Variants in CPNE4 observed in about 807,000 individuals in gnomAD.
The protein encoded by CPNE4 is copine 4.
A neutral mutation model predicts 67.9 loss-of-function variants in CPNE4; 25 were observed. The ratio of observed to expected loss-of-function variants is 0.37; its 90% CI spans 0.27 to 0.51. The LOEUF (loss-of-function observed/expected upper bound fraction) is 0.51, where lower values mean the gene tolerates loss of function less well. CPNE4 is among the 20% of genes least tolerant of loss of function. The pLI, the probability that CPNE4 is intolerant of heterozygous loss-of-function variation, is 0.93. For synonymous variants in CPNE4, 242 were observed against 244.9 expected, an observed-to-expected ratio of 0.99 and a Z score of 0.11; for missense variants, 464 against 690.8, an observed-to-expected ratio of 0.67 and a Z score of 3.68.
chr3:131,962,395 C>T (rs189501868), intron 1 of CPNE4, among the ~76,000 whole-genome samples: 1 of 152,282 alleles, frequency 6.6e-6, no homozygotes, highest in Non-Finnish European at 1.5e-5. Flanking sequence ...ATTTGAACTT[C>T]TCTCAAGGCC....
chr3:132,016,764 G>A (rs1425587174), intron 1 of CPNE4, among the ~76,000 whole-genome samples: 3 of 152,106 alleles, frequency 2.0e-5, no homozygotes, highest in Admixed American at 6.6e-5. Flanking sequence ...AAATTGGTCC[G>A]TTCTCAGGAC....
chr3:131,587,907 A>T (rs1471103230), intron 7 of CPNE4, among the ~76,000 whole-genome samples: 1 of 152,232 alleles, frequency 6.6e-6, no homozygotes, highest in African/African-American at 2.4e-5. Context: ...ACTTGAAGGC[A>T]GGTGCCCTGC....
chr3:131,743,962 C>CAAAAAAAAAAAAAAAA (rs67791015), intron 2 of CPNE4, among the ~76,000 whole-genome samples: 2 of 59,206 alleles, frequency 3.4e-5, no homozygotes, highest in African/African-American at 7.4e-5. Context: ...GACTCCGTCT[C>CAAAAAAAAAAAAAAAA]AAAAAAAAAA....
chr3:131,903,515 A>G (rs897338088), intron 2 of CPNE4, among the ~76,000 whole-genome samples: 19 of 152,144 alleles, frequency 1.2e-4, no homozygotes, highest in African/African-American at 4.6e-4. Flanking sequence ...AAATATTGCC[A>G]CACAAACCAC....
At chr3:131,856,604 T>C (rs2086454176) in intron 2 of CPNE4, among the ~76,000 whole-genome samples, 2 of 151,964 alleles carry the variant, frequency 1.3e-5, no homozygotes, top group African/African-American at 2.4e-5. Context: ...AGAACACACA[T>C]GTGGATGGGA....
At chr3:131,813,489 AAT>A (rs2084615647) in intron 2 of CPNE4, among the ~76,000 whole-genome samples, 1 of 149,126 alleles carries the variant, frequency 6.7e-6, no homozygotes, top group Admixed American at 6.7e-5. Context: ...ATTTATTTAA[AAT>A]ATATATTTAA....
chr3:131,673,416 G>A (rs1203202316), intron 6 of CPNE4, among the ~76,000 whole-genome samples: 1 of 151,988 alleles, frequency 6.6e-6, no homozygotes, highest in Non-Finnish European at 1.5e-5. Flanking sequence ...TCTGTAGATT[G>A]CTTTGGGTAG....
intron 2 of CPNE4, among the ~76,000 whole-genome samples, chr3:131,899,617 A>G (rs1298196353): frequency 2.0e-5 from 3 of 152,124 alleles, no homozygotes; most frequent in African/African-American, 7.2e-5. Context: ...AGCCTTAGCT[A>G]TCTTTTCTAG....
In CPNE4 at chr3:131,863,776, T is replaced by C. The variant is rs574471547; in HGVS notation, c.180+41488A>G. Among the ~76,000 whole-genome samples the C allele has an allele frequency of 1.3e-3, 204 of 152,382 alleles. 1 individual carries two copies. The highest frequency in any genetic ancestry group is 4.8e-3 in the African/African-American group (198 of 41,596). ...TTTGGTGTTTTAGACATGAAGTCCT[T>C]GCCCATGCCTATGTCCTGAATGGTA... On this transcript the variant is annotated intron_variant, in intron 2 of 15. Coordinates refer to ENST00000429747, the MANE Select transcript of CPNE4 (RefSeq NM_130808.3).
intron 7 of CPNE4, among the ~76,000 whole-genome samples, chr3:131,597,815 C>T (rs1402105235): frequency 6.6e-6 from 1 of 152,198 alleles, no homozygotes; most frequent in African/African-American, 2.4e-5. Flanking sequence ...ATGGTAATCA[C>T]TGGCTTGTGA....
Position 131,534,969 on chromosome 3 carries a change from A to G in CPNE4, c.*226T>C, listed in dbSNP as rs979854177. On this transcript the variant is annotated 3_prime_UTR_variant, in exon 16 of 16. Coordinates refer to ENST00000429747, the MANE Select transcript of CPNE4 (RefSeq NM_130808.3). ...GTAATGTAAATAGTAAGTTATTGTT[A>G]TCTGTGTTTCTTTGTAAAAAGTTAA... 2.8e-6 allele frequency: 1 copy of G among 360,956 alleles called. No individual in the cohort carries two copies. Among genetic ancestry groups the G allele is most frequent in the African/African-American group, 2.1e-5 (1 of 47,806 alleles). 22.4% of individuals were successfully genotyped at this position (360,956 alleles called of 1,614,324 possible).
intron 1 of CPNE4, among the ~76,000 whole-genome samples, chr3:131,914,334 C>G (rs1350577934): frequency 1.3e-5 from 2 of 152,138 alleles, no homozygotes; most frequent in South Asian, 4.2e-4. Flanking sequence ...GGATTTACAC[C>G]ACAGAACATC....
At chr3:131,614,866 T>C (rs1278847809) in intron 7 of CPNE4, among the ~76,000 whole-genome samples, 1 of 152,240 alleles carries the variant, frequency 6.6e-6, no homozygotes, top group Non-Finnish European at 1.5e-5. Context: ...TTGTTCAAGA[T>C]GTCTTAATAT....
chr3:131,613,694 T>C (rs1217598850), intron 7 of CPNE4, among the ~76,000 whole-genome samples: 1 of 152,182 alleles, frequency 6.6e-6, no homozygotes, highest in Non-Finnish European at 1.5e-5. Flanking sequence ...TCTTGGAGAA[T>C]ACAGCTTGGC....
At chr3:131,953,543 C>T (rs1256106187) in intron 1 of CPNE4, among the ~76,000 whole-genome samples, 1 of 152,026 alleles carries the variant, frequency 6.6e-6, no homozygotes, top group Non-Finnish European at 1.5e-5. Context: ...TATGTTAAAC[C>T]ATCCTTGCAT....
intron 5 of CPNE4, among the ~76,000 whole-genome samples, chr3:131,686,338 T>C (rs1023787349): frequency 2.6e-5 from 4 of 152,268 alleles, no homozygotes; most frequent in Non-Finnish European, 4.4e-5. Context: ...AGGTTCATTA[T>C]AGTTATTTTA....
intron 2 of CPNE4, among the ~76,000 whole-genome samples, chr3:131,786,517 C>G (rs1026892806): frequency 6.6e-6 from 1 of 152,062 alleles, no homozygotes; most frequent in South Asian, 2.1e-4. Context: ...ATGTAATCAT[C>G]CAAATAACTC....
intron 2 of CPNE4, among the ~76,000 whole-genome samples, chr3:131,862,214 T>C (rs1483693048): frequency 6.6e-6 from 1 of 152,202 alleles, no homozygotes; most frequent in East Asian, 1.9e-4. Context: ...GTCTTTGATA[T>C]CTCAAATCTC....
At chr3:131,970,837 T>C (rs1037084007) in intron 1 of CPNE4, among the ~76,000 whole-genome samples, 4 of 152,216 alleles carry the variant, frequency 2.6e-5, no homozygotes, top group Admixed American at 1.3e-4. Flanking sequence ...AATGTAGATA[T>C]AGAATGAACG....
Sources: allele counts gnomAD v4.1 joint callset (sites outside exome capture counted in the v4.1 genomes callset), GRCh38; gene constraint gnomAD v4.1.1; transcripts MANE v1.5; gene names NCBI Gene and HGNC (gene_info 2026-07-23, HGNC 2026-07-21).